ST8SIA5: variants seen among roughly 807,000 people sequenced by gnomAD.
ST8SIA5 encodes alpha-2,8-sialyltransferase 8E.
ST8SIA5 carries 24 observed loss-of-function variants against 40.2 expected under a neutral mutation model. The ratio of observed to expected loss-of-function variants is 0.60; its 90% confidence interval spans 0.43 to 0.84. The LOEUF (loss-of-function observed/expected upper bound fraction) is 0.84, where lower values mean the gene tolerates loss of function less well. Among genes scored for constraint, ST8SIA5 ranks in the 40% least tolerant of loss-of-function variants. The probability of loss-of-function intolerance (pLI) is 0.00; values close to 1 mark genes in which losing one functional copy is unlikely to be tolerated. For synonymous variants in ST8SIA5, 198 were observed against 201.8 expected (o/e 0.98, Z 0.16); for missense variants, 465 against 498.5 (o/e 0.93, Z 0.64).
At chr18:46,699,896 T>C (rs913271105) in intron 2 of ST8SIA5, among the ~76,000 whole-genome samples, 5 of 152,076 alleles carry the variant, frequency 3.3e-5, no homozygotes, top group Non-Finnish European at 7.4e-5. Context: ...GTCCAGAGAG[T>C]GGGCATTTGC....
chr18:46,722,588 G>C (rs976784753), intron 1 of ST8SIA5, among the ~76,000 whole-genome samples: 1 of 152,240 alleles, frequency 6.6e-6, no homozygotes, highest in African/African-American at 2.4e-5. Flanking sequence ...CCCAGGGCAG[G>C]CTTTCTCAGC....
At chr18:46,702,285 G>A (rs189195293) in intron 2 of ST8SIA5, among the ~76,000 whole-genome samples, 1 of 152,182 alleles carries the variant, frequency 6.6e-6, no homozygotes, top group East Asian at 1.9e-4. Flanking sequence ...CAGACTCTCT[G>A]CTACCAGCTT....
chr18:46,688,672 G>T (rs2039471980), intron 4 of ST8SIA5, 103 bp downstream of exon 4: 3 of 1,427,004 alleles, frequency 2.1e-6, no homozygotes, highest in Non-Finnish European at 2.8e-6. Flanking sequence ...GAGTCCAGAG[G>T]ACCGTGAGTG....
intron 4 of ST8SIA5, 62 bp downstream of exon 4, chr18:46,688,713 G>A (rs1198854511): frequency 1.0e-5 from 16 of 1,555,384 alleles, no homozygotes; most frequent in South Asian, 4.9e-5. Context: ...ACATTGCCAC[G>A]GAGGGCTACT....
chr18:46,684,950 G>A (rs2039431257), intron 5 of ST8SIA5, among the ~76,000 whole-genome samples: 1 of 152,140 alleles, frequency 6.6e-6, no homozygotes, highest in Admixed American at 6.6e-5. Context: ...CAGGATGTAG[G>A]GGCTGGGGAG....
At chr18:46,727,830 C>T (rs768319529) in intron 1 of ST8SIA5, among the ~76,000 whole-genome samples, 2 of 152,134 alleles carry the variant, frequency 1.3e-5, no homozygotes, top group African/African-American at 2.4e-5. Flanking sequence ...GAAAAAAAGA[C>T]TTTTCCATTG....
At chr18:46,728,185 C>T (rs1412390217) in intron 1 of ST8SIA5, among the ~76,000 whole-genome samples, 1 of 147,840 alleles carries the variant, frequency 6.8e-6, no homozygotes, top group Admixed American at 6.8e-5. Flanking sequence ...TAGAGCGAGA[C>T]TCCATCTCAA....
chr18:46,742,837 G>A (rs189083979), intron 1 of ST8SIA5, among the ~76,000 whole-genome samples: 86 of 152,280 alleles, frequency 5.6e-4, no homozygotes, highest in Admixed American at 1.4e-3. Flanking sequence ...TCATACAGGC[G>A]GATGCCCCTC....
At chr18:46,695,442 C>A (rs2039548897) in intron 2 of ST8SIA5, among the ~76,000 whole-genome samples, 1 of 152,180 alleles carries the variant, frequency 6.6e-6, no homozygotes. Flanking sequence ...CTCTCTGAGT[C>A]TCAGTTTTCT....
At position 46,756,764 on chromosome 18, in the gene ST8SIA5, C is replaced by T. The variant is rs1320092801; in HGVS notation, c.-256G>A. The T allele has an allele frequency of 1.2e-5, 5 of 432,772 alleles. No individual in the cohort carries two copies. The highest frequency in any genetic ancestry group is 4.5e-5 in the Admixed American group (1 of 21,988). The allele number at this position is 432,772 out of a possible 1,614,324, so 26.8% of individuals were successfully genotyped here. A position where few individuals can be genotyped will look rare whatever the true frequency, so the allele number is the denominator to read the frequency against. On this transcript the variant is annotated 5_prime_UTR_variant, in exon 1 of 7. Transcript: ENST00000315087. ...CGCGGCCAGGGGCCTTCCCCACCCC[C>T]GGGTACCTTTACCTCCAGGCGCCGG...
At position 46,678,512 on chromosome 18, in the gene ST8SIA5, C is replaced by T. The variant is rs532832733; in HGVS notation, c.*1530G>A. The stretch of plus-strand genomic sequence containing the variant: ...CCTAACCCTCCCAGAGCACCCAGCA[C>T]GTGGGACTGGGTCTATAATCTCTGG... On this transcript the variant is annotated 3_prime_UTR_variant, in exon 7 of 7. Transcript: ENST00000315087. The T allele has an allele frequency of 2.2e-4, 34 of 152,354 alleles. No homozygotes were observed. Among genetic ancestry groups the T allele is most frequent in the African/African-American group, 6.5e-4 (27 of 41,562 alleles). The allele number at this position is 152,354 out of a possible 1,614,324, so 9.4% of individuals were successfully genotyped here.
At chr18:46,737,006 C>T (rs1482531306) in intron 1 of ST8SIA5, among the ~76,000 whole-genome samples, 2 of 152,186 alleles carry the variant, frequency 1.3e-5, no homozygotes, top group African/African-American at 2.4e-5. Context: ...TTGTGCCCCA[C>T]GTCACCAGAG....
intron 1 of ST8SIA5, among the ~76,000 whole-genome samples, chr18:46,709,229 C>T (rs1162750903): frequency 1.3e-5 from 2 of 152,204 alleles, no homozygotes; most frequent in Non-Finnish European, 2.9e-5. Flanking sequence ...GGTCTCTGCC[C>T]TCAATGATGG....
intron 1 of ST8SIA5, among the ~76,000 whole-genome samples, chr18:46,742,245 A>T (rs573814761): frequency 9.2e-5 from 14 of 152,290 alleles, no homozygotes; most frequent in African/African-American, 3.4e-4. Flanking sequence ...CTTTTTTAAC[A>T]TTCCCTTTAC....
At chr18:46,729,324 G>A (rs945530401) in intron 1 of ST8SIA5, among the ~76,000 whole-genome samples, 4 of 152,062 alleles carry the variant, frequency 2.6e-5, no homozygotes, top group Middle Eastern at 3.4e-3. Context: ...CTAAAACTGA[G>A]CCCCAAATTG....
At chr18:46,721,413 A>C (rs900451331) in intron 1 of ST8SIA5, 5 of 1,536,100 alleles carry the variant, frequency 3.3e-6, no homozygotes, top group Non-Finnish European at 4.4e-6. Flanking sequence ...CGTGACATTA[A>C]AGAGCCCCGT....
chr18:46,755,095 A>G (rs1371141046), intron 1 of ST8SIA5, among the ~76,000 whole-genome samples: 1 of 152,248 alleles, frequency 6.6e-6, no homozygotes, highest in Non-Finnish European at 1.5e-5. Flanking sequence ...CGGAGCAGCA[A>G]CTGGCTGTAA....
Position 46,756,389 on chromosome 18 carries a change from G to C in ST8SIA5, c.120C>G (p.Asn40Lys). ...ATGGACTTTCTTACCTCTTAATGTA[G>C]TTCCTGCCATACAGGATCTGTTGCA... Reference protein sequence around the residue: ...TLLQQILYGRNYIKRYFEFYE... With the variant: ...TLLQQILYGRKYIKRYFEFYE... Residue 40 changes from asparagine to lysine, a missense_variant, in exon 1 of 7, where the codon AAC becomes AAG. Physicochemically the swap from Asn to Lys is moderately conservative, Grantham distance 94 (BLOSUM62 0). Transcript: ENST00000315087. 1 of 1,612,580 alleles carries C rather than the reference G, an allele frequency of 6.2e-7. No individual in the cohort carries two copies. Among genetic ancestry groups the C allele is most frequent in the Non-Finnish European group, 8.5e-7 (1 of 1,179,032 alleles).
intron 1 of ST8SIA5, among the ~76,000 whole-genome samples, chr18:46,726,571 T>C (rs1014927508): frequency 4.6e-5 from 7 of 152,034 alleles, no homozygotes; most frequent in African/African-American, 9.7e-5. Context: ...GTTTGTTATA[T>C]TGTTCTCCAT....
Sources: allele counts gnomAD v4.1 joint callset (sites outside exome capture counted in the v4.1 genomes callset), GRCh38; gene constraint gnomAD v4.1.1; transcripts MANE v1.5; gene names NCBI Gene and HGNC (gene_info 2026-07-23, HGNC 2026-07-21).